Variants in ABCG2 observed in about 807,000 individuals in gnomAD.
ABCG2 encodes the protein broad substrate specificity ATP-binding cassette transporter ABCG2.
In ABCG2, 80 loss-of-function variants were observed where a neutral mutation model predicts 73.5. That is an observed-to-expected ratio of 1.09 (90% CI 0.91 to 1.31). ABCG2 has a LOEUF of 1.31. Among genes scored for constraint, ABCG2 ranks in the 50% most tolerant of loss-of-function variants. ABCG2 has a pLI of 0.00. For missense variants in ABCG2, 796 were observed against 786.2 expected (o/e 1.01, Z -0.15); for synonymous variants, 269 against 282.4 (o/e 0.95, Z 0.48).
At chr4:88,120,191 T>C (rs1723872390) in intron 6 of ABCG2, among the ~76,000 whole-genome samples, 2 of 152,202 alleles carry the variant, frequency 1.3e-5, no homozygotes, top group South Asian at 2.1e-4. Flanking sequence ...TTTCAGAGGA[T>C]GTATGGAAAT....
Position 88,131,886 on chromosome 4 carries a change from G to A in ABCG2, c.295C>T (p.Pro99Ser), listed in dbSNP as rs1305398818. ...AGAACATCTCCAGATAATCCACTTG[G>A]ATCTTTCCTTGCAGCTAAGACATCT... The part of the protein sequence containing the change: ...LLDVLAARKD[P>S]SGLSGDVLIN... Residue 99 changes from proline to serine, a missense_variant, in exon 4 of 16, where the codon CCA (proline) becomes TCA (serine). Pro to Ser is a moderately conservative substitution (Grantham distance 74). Coordinates refer to ENST00000237612, the MANE Select transcript of ABCG2 (RefSeq NM_004827.3). 6.2e-7 allele frequency: 1 copy of A among 1,613,910 alleles called. No individual in the cohort carries two copies. The highest frequency in any genetic ancestry group is 1.1e-5 in the South Asian group (1 of 91,064).
rs771104680 is a variant in ABCG2 at position 88,101,212 on chromosome 4, G to A, written c.1367+18C>T. 5 of 1,612,328 alleles carry A rather than the reference G, an allele frequency of 3.1e-6. No homozygotes were observed. Among genetic ancestry groups the A allele is most frequent in the Non-Finnish European group, 8.5e-7 (1 of 1,178,514 alleles). On this transcript the variant is annotated intron_variant, in intron 11 of 15. Transcript: ENST00000237612. ...CTGCTGCTGGACAGCCCCGTTCCCA[G>A]AACAAAGACCTACTCACATGAAGAG...
At chr4:88,205,561 C>T (rs1729341883) in intron 1 of ABCG2, among the ~76,000 whole-genome samples, 1 of 152,174 alleles carries the variant, frequency 6.6e-6, no homozygotes, top group Non-Finnish European at 1.5e-5. Flanking sequence ...TACTCTTATC[C>T]TTTGCATGTG....
Position 88,158,498 on chromosome 4 carries a change from C to T in ABCG2, c.-132G>A, listed in dbSNP as rs1298056290. 6.6e-6 allele frequency: 3 copies of T among 456,196 alleles called. No homozygotes were observed. Among genetic ancestry groups the T allele is most frequent in the African/African-American group, 2.0e-5 (1 of 50,062 alleles). The allele number at this position is 456,196 out of a possible 1,614,324, so 28.3% of individuals were successfully genotyped here. On this transcript the variant is annotated 5_prime_UTR_variant, in exon 1 of 16. Coordinates refer to ENST00000237612, the MANE Select transcript of ABCG2 (RefSeq NM_004827.3). ...AAATGTTGGGATGAGTCACCCGGACCTTCCAAACAAACTCTAAAGCAGCAG... is the reference window on the plus strand; with the variant it reads ...AAATGTTGGGATGAGTCACCCGGACTTTCCAAACAAACTCTAAAGCAGCAG...
intron 1 of ABCG2, among the ~76,000 whole-genome samples, chr4:88,181,471 A>G (rs1055108146): frequency 1.3e-5 from 2 of 150,138 alleles, no homozygotes; most frequent in African/African-American, 4.9e-5. Context: ...TGACTCATGT[A>G]TGTAATTCCA....
At chr4:88,196,297 A>G (rs1021785272) in intron 1 of ABCG2, among the ~76,000 whole-genome samples, 4 of 152,192 alleles carry the variant, frequency 2.6e-5, no homozygotes, top group Non-Finnish European at 5.9e-5. Flanking sequence ...CTTTACCTGC[A>G]AAGATTTTGT....
chr4:88,141,954 A>G (rs45620836), intron 1 of ABCG2, among the ~76,000 whole-genome samples: 129 of 152,310 alleles, frequency 8.5e-4, no homozygotes, highest in African/African-American at 2.9e-3. Context: ...TAAGAATTCA[A>G]TCGATGAGTT....
Position 88,189,477 on chromosome 4 carries a change from G to A in ABCG2, c.-20+41517C>T, listed in dbSNP as rs528519128. ...TGCAGTGAGTTATGATCATGCCACTGTACTCTAGCCTGGGCAACAGAGTGA... is the reference window on the plus strand; with the variant it reads ...TGCAGTGAGTTATGATCATGCCACTATACTCTAGCCTGGGCAACAGAGTGA... On this transcript the variant is annotated intron_variant, in intron 1 of 15. Coordinates refer to the ABCG2 transcript ENST00000515655. Among the ~76,000 whole-genome samples the A allele has an allele frequency of 3.9e-3, 589 of 151,862 alleles. 2 individuals are homozygous for A. The highest frequency in any genetic ancestry group is 0.013 in the African/African-American group (548 of 41,404).
chr4:88,128,643 C>T (rs1724606503), intron 5 of ABCG2, among the ~76,000 whole-genome samples: 1 of 152,034 alleles, frequency 6.6e-6, no homozygotes, highest in African/African-American at 2.4e-5. Context: ...AAGCTGGAAA[C>T]CATCATTCTC....
chr4:88,158,103 T>C (rs759849864), intron 1 of ABCG2, among the ~76,000 whole-genome samples: 5 of 152,220 alleles, frequency 3.3e-5, no homozygotes, highest in Admixed American at 6.5e-5. Context: ...CAATATCAAC[T>C]TTAATTTCAT....
chr4:88,176,966 C>A (rs1449726554), intron 1 of ABCG2, among the ~76,000 whole-genome samples: 1 of 151,820 alleles, frequency 6.6e-6, no homozygotes, highest in Non-Finnish European at 1.5e-5. Context: ...ATAATGTCCA[C>A]GAACATTAGT....
intron 1 of ABCG2, among the ~76,000 whole-genome samples, chr4:88,166,443 G>A (rs968455336): frequency 6.6e-6 from 1 of 152,078 alleles, no homozygotes; most frequent in Admixed American, 6.6e-5. Context: ...ACTGTACAGA[G>A]AGCCTCTTCA....
At chr4:88,142,944 T>C (rs2110060571) in intron 1 of ABCG2, among the ~76,000 whole-genome samples, 1 of 152,226 alleles carries the variant, frequency 6.6e-6, no homozygotes. Context: ...TAATACCCCA[T>C]CTCAAAAAAA....
In ABCG2 at chr4:88,158,510, C is replaced by T. The variant is rs1727104617; in HGVS notation, c.-144G>A. 2.2e-6 allele frequency: 1 copy of T among 456,406 alleles called. No individual in the cohort carries two copies. The highest frequency in any genetic ancestry group is 2.3e-5 in the Admixed American group (1 of 42,588). The allele number at this position is 456,406 out of a possible 1,614,324, so 28.3% of individuals were successfully genotyped here. ...GAGTCACCCGGACCTTCCAAACAAACTCTAAAGCAGCAGTTTCCACTTAAC... is the reference window on the plus strand; with the variant it reads ...GAGTCACCCGGACCTTCCAAACAAATTCTAAAGCAGCAGTTTCCACTTAAC... On this transcript the variant is annotated 5_prime_UTR_variant, in exon 1 of 16. Transcript: ENST00000237612.
At chr4:88,168,308 G>A (rs1727622596) in intron 1 of ABCG2, among the ~76,000 whole-genome samples, 1 of 152,086 alleles carries the variant, frequency 6.6e-6, no homozygotes, top group East Asian at 1.9e-4. Flanking sequence ...CCAACATGGT[G>A]AAACCCCATC....
At chr4:88,110,907 T>G (rs924794351) in intron 9 of ABCG2, among the ~76,000 whole-genome samples, 2 of 152,180 alleles carry the variant, frequency 1.3e-5, no homozygotes, top group African/African-American at 4.8e-5. Flanking sequence ...AAGCAGATGC[T>G]CAGGGAGATA....
chr4:88,125,461 A>T (rs1238212396), intron 5 of ABCG2, among the ~76,000 whole-genome samples: 3 of 151,682 alleles, frequency 2.0e-5, no homozygotes, highest in African/African-American at 7.3e-5. Flanking sequence ...ACAAAAAATT[A>T]GCCGGGCTAA....
chr4:88,212,479 C>T (rs748034655), intron 1 of ABCG2, among the ~76,000 whole-genome samples: 9 of 152,116 alleles, frequency 5.9e-5, no homozygotes, highest in Non-Finnish European at 1.3e-4. Context: ...CTACCTTGAA[C>T]TTCTCTCCTT....
rs189359538 is a variant in ABCG2, at chr4:88,177,273, G to C, written c.-19-37259C>G. Reference sequence around the variant, plus strand: ...CCTGTGGTCCCAGCTACTCGGGAGGGTGAGGCAGGAGAATGGCGGGAACCC... The same window carrying C: ...CCTGTGGTCCCAGCTACTCGGGAGGCTGAGGCAGGAGAATGGCGGGAACCC... On this transcript the variant is annotated intron_variant, in intron 1 of 15. Transcript: ENST00000515655. Among the ~76,000 whole-genome samples the C allele has an allele frequency of 4.1e-3, 618 of 152,032 alleles. 1 individual carries two copies. Among genetic ancestry groups the C allele is most frequent in the African/African-American group, 0.013 (545 of 41,488 alleles).
Sources: allele counts gnomAD v4.1 joint callset (sites outside exome capture counted in the v4.1 genomes callset), GRCh38; gene constraint gnomAD v4.1.1; transcripts MANE v1.5; gene names NCBI Gene and HGNC (gene_info 2026-07-23, HGNC 2026-07-21).